Variants in NEK7 observed in about 807,000 individuals in gnomAD.
The protein encoded by NEK7 is NIMA related kinase 7.
Under a neutral mutation model 44.6 loss-of-function variants are expected in NEK7, and 18 were observed. That is an observed-to-expected ratio of 0.40 (90% CI 0.28 to 0.60). The LOEUF (loss-of-function observed/expected upper bound fraction) is 0.60. Ranked by LOEUF, NEK7 falls within the 20% of genes least tolerant of loss-of-function variation. The pLI is 0.38. For synonymous variants in NEK7, 130 were observed against 121.1 expected (o/e 1.07, Z -0.48); for missense variants, 256 against 366.5 (o/e 0.70, Z 2.46).
At chr1:198,314,920 A>G (rs1010698691) in intron 9 of NEK7, among the ~76,000 whole-genome samples, 47 of 152,328 alleles carry the variant, frequency 3.1e-4, no homozygotes, top group Admixed American at 1.5e-3. Flanking sequence ...GGTGGAGCCT[A>G]CAGAGGCAGG....
intron 1 of NEK7, among the ~76,000 whole-genome samples, chr1:198,194,886 G>A (rs531655370): frequency 1.5e-4 from 23 of 152,080 alleles, no homozygotes; most frequent in South Asian, 6.2e-4. Context: ...TTGAAGAATC[G>A]CCACACTGTT....
At chr1:198,241,487 A>G (rs1666684236) in intron 2 of NEK7, among the ~76,000 whole-genome samples, 1 of 152,246 alleles carries the variant, frequency 6.6e-6, no homozygotes, top group African/African-American at 2.4e-5. Context: ...ATTTAATTTT[A>G]GAACCAATAA....
intron 1 of NEK7, among the ~76,000 whole-genome samples, chr1:198,179,458 G>C (rs1005205887): frequency 2.6e-5 from 4 of 152,030 alleles, no homozygotes; most frequent in African/African-American, 9.7e-5. Flanking sequence ...TAACAGTTAA[G>C]TGACAGAGAA....
At position 198,205,118 on chromosome 1, in the gene NEK7, T is replaced by C. The variant is rs1665556519; in HGVS notation, c.-28-27435T>C. Among the ~76,000 whole-genome samples the C allele has an allele frequency of 2.0e-5, 3 of 152,348 alleles. No homozygotes were observed. In the South Asian group the frequency reaches 6.2e-4, roughly 32 times the overall value. ...AAAAACCCCATTGCTTATTTTTGTT[T>C]GGATCCAATTTATACTCAGAAAGGC... On this transcript the variant is annotated intron_variant, in intron 1 of 9. Coordinates refer to ENST00000367385, the MANE Select transcript of NEK7 (RefSeq NM_133494.3).
chr1:198,303,028 C>G (rs185998551), intron 9 of NEK7, among the ~76,000 whole-genome samples: 156 of 152,226 alleles, frequency 1.0e-3, no homozygotes, highest in Non-Finnish European at 2.9e-4. Context: ...TCTGGAATCT[C>G]CTTCCCTAGA....
chr1:198,280,211 T>G (rs778458099), intron 7 of NEK7, among the ~76,000 whole-genome samples: 4 of 152,026 alleles, frequency 2.6e-5, no homozygotes. Flanking sequence ...TTACAGTACA[T>G]GCAATACAAA....
At chr1:198,280,384 C>T (rs1654157923) in intron 7 of NEK7, among the ~76,000 whole-genome samples, 1 of 152,114 alleles carries the variant, frequency 6.6e-6, no homozygotes, top group African/African-American at 2.4e-5. Flanking sequence ...TACAATTACA[C>T]ACACACACCT....
intron 9 of NEK7, among the ~76,000 whole-genome samples, chr1:198,304,068 T>C (rs1159242915): frequency 6.6e-6 from 1 of 152,152 alleles, no homozygotes; most frequent in Non-Finnish European, 1.5e-5. Flanking sequence ...TATTTTTGTT[T>C]AAAAAATATA....
intron 1 of NEK7, among the ~76,000 whole-genome samples, chr1:198,165,961 A>G (rs1042404543): frequency 2.0e-5 from 3 of 152,216 alleles, no homozygotes; most frequent in Non-Finnish European, 2.9e-5. Context: ...GCATTTTTAT[A>G]TGATAGAGAT....
chr1:198,166,514 CTCTT>C (rs775423579), intron 1 of NEK7, among the ~76,000 whole-genome samples: 3 of 152,248 alleles, frequency 2.0e-5, no homozygotes, highest in Admixed American at 6.5e-5. Context: ...AGATGGGTGA[CTCTT>C]TCTTTCACTC....
intron 2 of NEK7, among the ~76,000 whole-genome samples, chr1:198,252,535 TATATATATATATATATATATATATATA>T (rs1653058334): frequency 3.6e-5 from 2 of 55,654 alleles, no homozygotes; most frequent in Admixed American, 4.8e-4. Context: ...ATACTATATA[TATATATATATATATATATATATATATA>T]TATATAAAAA....
chr1:198,225,839 G>GT (rs757511060), intron 1 of NEK7, among the ~76,000 whole-genome samples: 42 of 151,926 alleles, frequency 2.8e-4, no homozygotes, highest in Non-Finnish European at 4.3e-4. Context: ...TCTTTGGGGA[G>GT]TTTTTTTTGT....
Position 198,214,944 on chromosome 1 carries a change from C to A in NEK7, c.-28-17609C>A, listed in dbSNP as rs1558059977. Among the ~76,000 whole-genome samples the A allele has an allele frequency of 2.0e-5, 3 of 152,036 alleles. No homozygotes were observed. The South Asian group carries it at 6.2e-4, about 32-fold the overall frequency. ...ATGGTAAGACAAAAGCATCAGGTAA[C>A]CTACAATGGAAACCGTATTAGATGA... On this transcript the variant is annotated intron_variant, in intron 1 of 9. Coordinates refer to ENST00000367385, the MANE Select transcript of NEK7 (RefSeq NM_133494.3).
intron 1 of NEK7, among the ~76,000 whole-genome samples, chr1:198,198,908 G>A (rs923679064): frequency 1.3e-5 from 2 of 152,182 alleles, no homozygotes; most frequent in Non-Finnish European, 2.9e-5. Context: ...TCCTTCAGTT[G>A]GTATCCTGTG....
At chr1:198,247,932 G>A (rs1427408880) in intron 2 of NEK7, among the ~76,000 whole-genome samples, 2 of 152,202 alleles carry the variant, frequency 1.3e-5, no homozygotes, top group African/African-American at 4.8e-5. Flanking sequence ...TTCTTTGAAA[G>A]ACTAAGAGTT....
At chr1:198,301,866 GTTTA>G (rs1220985532) in intron 9 of NEK7, among the ~76,000 whole-genome samples, 2 of 152,170 alleles carry the variant, frequency 1.3e-5, no homozygotes, top group East Asian at 1.9e-4. Flanking sequence ...TATGGCAGAT[GTTTA>G]TTTAGTAATA....
At chr1:198,214,544 A>G (rs1665862237) in intron 1 of NEK7, among the ~76,000 whole-genome samples, 1 of 152,214 alleles carries the variant, frequency 6.6e-6, no homozygotes, top group Admixed American at 6.5e-5. Flanking sequence ...TGCTATGGAA[A>G]GTTTTAACAA....
At chr1:198,260,851 C>T (rs558359277) in intron 3 of NEK7, among the ~76,000 whole-genome samples, 13 of 152,022 alleles carry the variant, frequency 8.6e-5, no homozygotes, top group South Asian at 4.2e-4. Flanking sequence ...AAAGCACATG[C>T]GTTTGTACAA....
intron 1 of NEK7, among the ~76,000 whole-genome samples, chr1:198,222,182 AG>A (rs1189751179): frequency 6.6e-6 from 1 of 152,054 alleles, no homozygotes; most frequent in Non-Finnish European, 1.5e-5. Flanking sequence ...TAATAGGGTA[AG>A]AAGATTGTTT....
Sources: gnomAD v4.1 joint callset for allele counts (sites outside exome capture counted in the v4.1 genomes callset) on GRCh38, gnomAD v4.1.1 for gene constraint, MANE v1.5 for transcripts, NCBI Gene and HGNC (gene_info 2026-07-23, HGNC 2026-07-21) for gene names.